ZC3HAV1: variants seen among roughly 807,000 people sequenced by gnomAD.
The protein encoded by ZC3HAV1 is zinc finger CCCH-type containing, antiviral 1, also known as zinc finger CCCH-type antiviral protein 1.
In ZC3HAV1, 41 loss-of-function variants were observed where a neutral mutation model predicts 86.6. That is an observed-to-expected ratio of 0.47 (90% CI 0.37 to 0.61). The LOEUF (loss-of-function observed/expected upper bound fraction) is 0.61, where lower values mean the gene tolerates loss of function less well. ZC3HAV1 is among the 20% of genes least tolerant of loss of function. The pLI is 0.00. For missense variants in ZC3HAV1, 964 were observed against 1,141.1 expected, an observed-to-expected ratio of 0.84 and a Z score of 2.24; for synonymous variants, 421 against 432.1, an observed-to-expected ratio of 0.97 and a Z score of 0.32.
rs755808369 is a variant in ZC3HAV1 at position 139,089,596 on chromosome 7, C to G, written c.444+28G>C. On this transcript the variant is annotated intron_variant, in intron 2 of 12. Coordinates refer to ENST00000242351, the MANE Select transcript of ZC3HAV1 (RefSeq NM_020119.4). ...CACAATACTGCCAGTAATATTCTCC[C>G]TCCTTAAACTGAGGAATCACAACTT... 1.9e-6 allele frequency: 3 copies of G among 1,575,642 alleles called. No individual in the cohort carries two copies. In the South Asian group the frequency reaches 3.5e-5, roughly 19 times the overall value.
At chr7:139,095,158 G>A (rs111659030) in intron 1 of ZC3HAV1, among the ~76,000 whole-genome samples, 9 of 152,202 alleles carry the variant, frequency 5.9e-5, no homozygotes, top group South Asian at 2.1e-4. Flanking sequence ...ACCAGGATGT[G>A]TGAAAGATAA....
intron 2 of ZC3HAV1, among the ~76,000 whole-genome samples, chr7:139,084,416 A>G (rs1240264070): frequency 6.6e-6 from 1 of 152,246 alleles, no homozygotes; most frequent in Admixed American, 6.5e-5. Context: ...ACTGTTTGGA[A>G]ATCCAAAATT....
intron 12 of ZC3HAV1, among the ~76,000 whole-genome samples, chr7:139,049,003 TGG>T (rs756017167): frequency 0.47 from 71,802 of 151,934 alleles, 17,173 homozygotes; most frequent in Non-Finnish European, 0.5. Flanking sequence ...GTGCATATGG[TGG>T]TTTATGGTGG....
rs1360055255 is a variant in ZC3HAV1 at position 139,080,121 on chromosome 7, G to A, written c.820C>T (p.Pro274Ser). The A allele has an allele frequency of 6.2e-7, 1 of 1,614,182 alleles. No individual in the cohort carries two copies. Among genetic ancestry groups the A allele is most frequent in the Non-Finnish European group, 8.5e-7 (1 of 1,180,026 alleles). ...CTGTGGCTGATCTGATCTGGACTAGGTGTGCAGGACCTCTCAGCAGACGCT... is the reference window on the plus strand; with the variant it reads ...CTGTGGCTGATCTGATCTGGACTAGATGTGCAGGACCTCTCAGCAGACGCT... ...ASASAERSCT[P>S]SPDQISHRAS... Residue 274 changes from proline to serine, a missense_variant, in exon 4 of 13, where the codon CCT becomes TCT. Coordinates refer to ENST00000242351, the MANE Select transcript of ZC3HAV1 (RefSeq NM_020119.4).
At chr7:139,101,494 C>A (rs6978421) in intron 1 of ZC3HAV1, among the ~76,000 whole-genome samples, 10 of 36,968 alleles carry the variant, frequency 2.7e-4, no homozygotes, top group African/African-American at 4.5e-4. Context: ...GCCCGGCCAC[C>A]ACCCCGTCTG....
chr7:139,080,920 C>A (rs1817109709), intron 3 of ZC3HAV1, among the ~76,000 whole-genome samples: 1 of 152,190 alleles, frequency 6.6e-6, no homozygotes, highest in South Asian at 2.1e-4. Flanking sequence ...GAAAATGAAA[C>A]CACAGTCTAA....
At position 139,047,645 on chromosome 7, in the gene ZC3HAV1, G is replaced by A; in HGVS notation, c.2658C>T (p.Tyr886=). The change falls in exon 13 of 13, where the codon TAC becomes TAT. Residue 886 remains tyrosine (Y), a synonymous_variant. Transcript: ENST00000242351. ...CAGTATATTCAATCACATATTGTGG[G>A]TAAACCTGATCTTTCTGAAAGATGA... ...VFVIFQKDQV[Y]PQYVIEYTED... is the part of the protein sequence containing the mutation. 1 of 1,614,122 alleles carries A rather than the reference G, an allele frequency of 6.2e-7. No individual in the cohort carries two copies. The highest frequency in any genetic ancestry group is 8.5e-7 in the Non-Finnish European group (1 of 1,180,038).
In ZC3HAV1 at chr7:139,086,262, A is replaced by T. The variant is rs1817269947; in HGVS notation, c.445-2230T>A. On this transcript the variant is annotated intron_variant, in intron 2 of 12. Transcript: ENST00000242351. ...ATACCAACAGTACTAACTCATGCTA[A>T]CTCCAGAAACCAGCTCCTCAGACCT... Among the ~76,000 whole-genome samples the T allele has an allele frequency of 2.0e-5, 3 of 152,074 alleles. No homozygotes were observed. The South Asian group carries it at 6.2e-4, about 32-fold the overall frequency.
At chr7:139,061,187 A>G in intron 8 of ZC3HAV1, 49 bp from the exon 9 acceptor site, 9 of 1,567,840 alleles carry the variant, frequency 5.7e-6, no homozygotes, top group Non-Finnish European at 7.0e-6. Flanking sequence ...GATCAGCCCT[A>G]GAAAATGACT....
intron 9 of ZC3HAV1, among the ~76,000 whole-genome samples, chr7:139,059,880 C>G (rs115894827): frequency 1.3e-5 from 2 of 152,086 alleles, no homozygotes; most frequent in African/African-American, 2.4e-5. Context: ...GATCAGTGTT[C>G]GGAATGTGTT....
intron 11 of ZC3HAV1, 37 bp downstream of exon 11, chr7:139,053,928 G>C (rs777106040): frequency 6.3e-7 from 1 of 1,589,392 alleles, no homozygotes; most frequent in East Asian, 2.3e-5. Context: ...ATCCTTTCCG[G>C]TTTTATGTAA....
In ZC3HAV1 at chr7:139,046,366, A is replaced by G. The variant is rs1481774225; in HGVS notation, c.*1228T>C. The stretch of plus-strand genomic sequence containing the variant: ...CTAGGTTCTTGGCTCACTTGCCAAG[A>G]CTACAATAGCACTCGCGTTTATCAG... On this transcript the variant is annotated 3_prime_UTR_variant, in exon 13 of 13. Transcript: ENST00000242351. 1 of 152,174 alleles carries G rather than the reference A, an allele frequency of 6.6e-6. No homozygotes were observed. The allele number at this position is 152,174 out of a possible 1,614,324, so 9.4% of individuals were successfully genotyped here. A position where few individuals can be genotyped will look rare whatever the true frequency, so the allele number is the denominator to read the frequency against.
intron 9 of ZC3HAV1, among the ~76,000 whole-genome samples, chr7:139,058,456 CAA>C (rs1816353193): frequency 1.5e-5 from 1 of 65,270 alleles, no homozygotes; most frequent in African/African-American, 7.2e-5. Flanking sequence ...CCCCCCCCCA[CAA>C]AAAAACACCA....
chr7:139,104,730 A>C (rs1160699116), intron 1 of ZC3HAV1, among the ~76,000 whole-genome samples: 2 of 143,292 alleles, frequency 1.4e-5, no homozygotes, highest in African/African-American at 5.2e-5. Flanking sequence ...ACAAAAAAAA[A>C]AAAAAAAAAA....
In ZC3HAV1 at chr7:139,044,200, C is replaced by A. The variant is rs1014098188; in HGVS notation, c.*3394G>T. On this transcript the variant is annotated 3_prime_UTR_variant, in exon 13 of 13. Transcript: ENST00000242351. ...CTTAAGTAAGGTAATTTCGCTCTTT[C>A]TTTTCCCATATACAGATTATGTACA... 1.1e-4 allele frequency: 17 copies of A among 152,176 alleles called. No individual in the cohort carries two copies. The highest frequency in any genetic ancestry group is 4.1e-4 in the African/African-American group (17 of 41,438). The allele number at this position is 152,176 out of a possible 1,614,324, so 9.4% of individuals were successfully genotyped here.
At chr7:139,076,459 C>A in intron 5 of ZC3HAV1, 50 bp from the exon 6 acceptor site, 1 of 1,606,712 alleles carries the variant, frequency 6.2e-7, no homozygotes, top group Non-Finnish European at 8.5e-7. Context: ...GGGATTCTAA[C>A]CAATTCAGTC....
chr7:139,096,114 A>T (rs1264149530), intron 1 of ZC3HAV1, among the ~76,000 whole-genome samples: 1 of 152,148 alleles, frequency 6.6e-6, no homozygotes, highest in Admixed American at 6.5e-5. Context: ...TCCCGGGTTC[A>T]AGTGATTCTC....
intron 8 of ZC3HAV1, among the ~76,000 whole-genome samples, chr7:139,063,243 C>G (rs1184958884): frequency 1.0e-5 from 1 of 98,470 alleles, no homozygotes; most frequent in East Asian, 4.1e-4. Context: ...AATACAATAC[C>G]ACCTAAGAAT....
At chr7:139,087,757 A>G (rs921722574) in intron 2 of ZC3HAV1, among the ~76,000 whole-genome samples, 12 of 152,098 alleles carry the variant, frequency 7.9e-5, no homozygotes, top group Admixed American at 6.6e-4. Flanking sequence ...AGCTGGGTGC[A>G]GTGGCTCGCA....
Sources: gnomAD v4.1 joint callset for allele counts (sites outside exome capture counted in the v4.1 genomes callset) on GRCh38, gnomAD v4.1.1 for gene constraint, MANE v1.5 for transcripts, NCBI Gene and HGNC (gene_info 2026-07-23, HGNC 2026-07-21) for gene names.